The following CSNK2A2IP variants were observed in gnomAD, a reference collection of about 807,000 sequenced individuals.
The protein encoded by CSNK2A2IP is casein kinase 2 subunit alpha' interacting protein, also known as casein kinase II subunit alpha'-interacting protein.
At chr3:88,448,848 A>G in the CSNK2A2IP span, among the ~76,000 whole-genome samples, 124,870 of 152,218 alleles carry the variant, frequency 0.82, 51,828 homozygotes, top group Non-Finnish European at 0.88. Context: ...ATAGGTGAGT[A>G]AGAACTGAGC....
At chr3:88,345,650 A>C in the CSNK2A2IP span, among the ~76,000 whole-genome samples, 4 of 151,876 alleles carry the variant, frequency 2.6e-5, no homozygotes, top group Admixed American at 2.6e-4. Flanking sequence ...CACAAACTGC[A>C]CTCACATAAG....
At chr3:88,418,463 T>TGTGTGCGCGCGCGCGCGCGCGC in the CSNK2A2IP span, among the ~76,000 whole-genome samples, 148 of 149,618 alleles carry the variant, frequency 9.9e-4, no homozygotes, top group African/African-American at 3.4e-3. Flanking sequence ...TGTGTGTGTG[T>TGTGTGCGCGCGCGCGCGCGCGC]GCGCGCGGGC....
the CSNK2A2IP span, among the ~76,000 whole-genome samples, chr3:88,357,539 C>T: frequency 1.3e-5 from 2 of 152,034 alleles, no homozygotes; most frequent in East Asian, 3.9e-4. Context: ...TCCTTTTGCT[C>T]AAGATTGCTT....
At chr3:88,360,793 C>A in the CSNK2A2IP span, among the ~76,000 whole-genome samples, 22 of 150,756 alleles carry the variant, frequency 1.5e-4, no homozygotes, top group African/African-American at 5.3e-4. Flanking sequence ...AAGTGGATTT[C>A]TCTGGCAGTA....
chr3:88,463,713 A>T, the CSNK2A2IP span, among the ~76,000 whole-genome samples: 1 of 152,192 alleles, frequency 6.6e-6, no homozygotes, highest in Non-Finnish European at 1.5e-5. Flanking sequence ...GGGACTGTGA[A>T]CTAGTTCAAC....
At chr3:88,389,394 C>T in the CSNK2A2IP span, among the ~76,000 whole-genome samples, 9 of 152,166 alleles carry the variant, frequency 5.9e-5, no homozygotes, top group South Asian at 2.1e-4. Context: ...CTTGAGGAAC[C>T]GCTGGAAAGC....
At chr3:88,359,965 A>T in the CSNK2A2IP span, among the ~76,000 whole-genome samples, 1 of 152,064 alleles carries the variant, frequency 6.6e-6, no homozygotes, top group Non-Finnish European at 1.5e-5. Flanking sequence ...TGGGTGTTGA[A>T]GTCCCCAACT....
At chr3:88,397,377 T>G in the CSNK2A2IP span, among the ~76,000 whole-genome samples, 1 of 152,222 alleles carries the variant, frequency 6.6e-6, no homozygotes, top group Non-Finnish European at 1.5e-5. Flanking sequence ...ATACTTGAGA[T>G]GCTGCACTTG....
the CSNK2A2IP span, among the ~76,000 whole-genome samples, chr3:88,452,813 T>A: frequency 6.6e-6 from 1 of 152,142 alleles, no homozygotes; most frequent in East Asian, 1.9e-4. Context: ...AGCATTAAAT[T>A]TGCTCACATT....
chr3:88,350,719 A>G, the CSNK2A2IP span, among the ~76,000 whole-genome samples: 1 of 152,104 alleles, frequency 6.6e-6, no homozygotes, highest in African/African-American at 2.4e-5. Context: ...TAACCAAAAT[A>G]AACATAAAGA....
the CSNK2A2IP span, among the ~76,000 whole-genome samples, chr3:88,458,518 C>T: frequency 6.6e-6 from 1 of 152,046 alleles, no homozygotes; most frequent in Admixed American, 6.6e-5. Flanking sequence ...CTGAAAGAAC[C>T]ACCTATCAAT....
the CSNK2A2IP span, among the ~76,000 whole-genome samples, chr3:88,363,339 C>A: frequency 6.6e-6 from 1 of 151,994 alleles, no homozygotes; most frequent in African/African-American, 2.4e-5. Context: ...TACCATTAAT[C>A]CTATTCAGTG....
the CSNK2A2IP span, among the ~76,000 whole-genome samples, chr3:88,429,810 T>G: frequency 6.6e-6 from 1 of 152,286 alleles, no homozygotes; most frequent in East Asian, 1.9e-4. Context: ...TGGAGGGCAG[T>G]GCCCTGATCT....
chr3:88,411,176 G>A, the CSNK2A2IP span, among the ~76,000 whole-genome samples: 1 of 151,830 alleles, frequency 6.6e-6, no homozygotes. Flanking sequence ...CAAAGAATGT[G>A]ATTAAATTAA....
At chr3:88,423,214 A>AT in the CSNK2A2IP span, among the ~76,000 whole-genome samples, 2 of 152,200 alleles carry the variant, frequency 1.3e-5, no homozygotes, top group Admixed American at 6.5e-5. Flanking sequence ...TTCATTTATC[A>AT]TTTTTTAAAT....
chr3:88,351,086 G>A, the CSNK2A2IP span, among the ~76,000 whole-genome samples: 1 of 152,214 alleles, frequency 6.6e-6, no homozygotes, highest in African/African-American at 2.4e-5. Flanking sequence ...TAGAAACGAG[G>A]CAAGGACTAA....
At chr3:88,460,179 T>C in the CSNK2A2IP span, among the ~76,000 whole-genome samples, 1 of 152,174 alleles carries the variant, frequency 6.6e-6, no homozygotes, top group East Asian at 1.9e-4. Context: ...TGGTGGTATT[T>C]TTTTTCTCCC....
chr3:88,456,785 C>T, the CSNK2A2IP span, among the ~76,000 whole-genome samples: 1 of 151,660 alleles, frequency 6.6e-6, no homozygotes, highest in African/African-American at 2.4e-5. Flanking sequence ...TGTCTTTTTC[C>T]CAACTGTGTA....
chr3:88,340,530 CATT>C, the CSNK2A2IP span, among the ~76,000 whole-genome samples: 1 of 151,924 alleles, frequency 6.6e-6, no homozygotes, highest in Non-Finnish European at 1.5e-5. Context: ...TCTCCCCTGT[CATT>C]GTGTTCTTCT....
Sources: allele counts gnomAD v4.1 joint callset (sites outside exome capture counted in the v4.1 genomes callset), GRCh38; gene constraint gnomAD v4.1.1; transcripts MANE v1.5; gene names NCBI Gene and HGNC (gene_info 2026-07-23, HGNC 2026-07-21).